USP15: variants seen among roughly 807,000 people sequenced by gnomAD.
USP15 encodes ubiquitin specific peptidase 15, also known as ubiquitin carboxyl-terminal hydrolase 15.
In USP15, 18 loss-of-function variants were observed where a neutral mutation model predicts 127.1. The ratio of observed to expected loss-of-function variants is 0.14; its 90% CI spans 0.10 to 0.21. The LOEUF (loss-of-function observed/expected upper bound fraction) is 0.21, where lower values mean the gene tolerates loss of function less well. USP15 is among the 10% of genes least tolerant of loss of function. The probability of loss-of-function intolerance (pLI) is 1.00; values close to 1 mark genes in which losing one functional copy is unlikely to be tolerated. For missense variants in USP15, 805 were observed against 1,159.9 expected, an observed-to-expected ratio of 0.69 and a Z score of 4.44; for synonymous variants, 364 against 393.7, an observed-to-expected ratio of 0.92 and a Z score of 0.89.
At chr12:62,304,726 C>G (rs553224974) in intron 3 of USP15, 1 of 450,862 alleles carries the variant, frequency 2.2e-6, no homozygotes, top group South Asian at 1.6e-5. Context: ...GCAGAAAATA[C>G]GATGGAATCA....
chr12:62,318,425 A>G (rs2064894535), intron 4 of USP15, among the ~76,000 whole-genome samples: 2 of 152,158 alleles, frequency 1.3e-5, no homozygotes, highest in South Asian at 2.1e-4. Context: ...CAGATAAACT[A>G]CTTTTCTATC....
intron 6 of USP15, among the ~76,000 whole-genome samples, chr12:62,330,509 C>T (rs1389109398): frequency 1.3e-5 from 2 of 151,218 alleles, no homozygotes; most frequent in East Asian, 1.9e-4. Context: ...TTGCTTGAAC[C>T]CAGGAGGCAG....
intron 13 of USP15, 46 bp downstream of exon 13, chr12:62,389,745 A>T (rs1261895211): frequency 6.3e-7 from 1 of 1,598,476 alleles, no homozygotes. Context: ...AAAAAAAATT[A>T]ATAGAAGTAA....
At chr12:62,297,186 G>A (rs1448746982) in intron 2 of USP15, among the ~76,000 whole-genome samples, 1 of 152,120 alleles carries the variant, frequency 6.6e-6, no homozygotes, top group African/African-American at 2.4e-5. Context: ...AATAACTGGG[G>A]GAAGTTAACA....
intron 6 of USP15, 70 bp downstream of exon 6, chr12:62,326,003 C>A: frequency 7.5e-7 from 1 of 1,341,508 alleles, no homozygotes; most frequent in Non-Finnish European, 1.0e-6. Context: ...ATCAAATCCA[C>A]AATGATAGAA....
intron 19 of USP15, among the ~76,000 whole-genome samples, chr12:62,395,199 C>CT (rs2067449685): frequency 6.6e-6 from 1 of 152,070 alleles, no homozygotes; most frequent in Non-Finnish European, 1.5e-5. Flanking sequence ...TTTTTAATCT[C>CT]TGACCCTGCC....
In USP15 at chr12:62,415,431, C is replaced by T. The variant is rs886149123; in HGVS notation, c.*11056C>T. The T allele has an allele frequency of 3.9e-5, 6 of 152,158 alleles. No individual in the cohort carries two copies. Among genetic ancestry groups the T allele is most frequent in the African/African-American group, 1.4e-4 (6 of 41,418 alleles). The allele number at this position is 152,158 out of a possible 1,614,324, so 9.4% of individuals were successfully genotyped here. ...TAGATATGCCCAGAATAATGTTTGACCACATATCTGGGCACCCTGTGGCCC... is the reference window on the plus strand; with the variant it reads ...TAGATATGCCCAGAATAATGTTTGATCACATATCTGGGCACCCTGTGGCCC... On this transcript the variant is annotated 3_prime_UTR_variant, in exon 22 of 22. Coordinates refer to ENST00000280377, the MANE Select transcript of USP15 (RefSeq NM_001252078.2).
intron 2 of USP15, among the ~76,000 whole-genome samples, chr12:62,300,725 A>G (rs997357573): frequency 1.3e-5 from 2 of 152,164 alleles, no homozygotes; most frequent in Non-Finnish European, 2.9e-5. Flanking sequence ...CTGAATTTTG[A>G]TGCATACATG....
At chr12:62,380,962 C>G (rs1268339353) in intron 8 of USP15, among the ~76,000 whole-genome samples, 1 of 152,040 alleles carries the variant, frequency 6.6e-6, no homozygotes, top group Non-Finnish European at 1.5e-5. Context: ...AGTTTGTTCT[C>G]TCAGGCTCAA....
chr12:62,277,042 T>G (rs1165728785), intron 1 of USP15, among the ~76,000 whole-genome samples: 1 of 152,154 alleles, frequency 6.6e-6, no homozygotes. Context: ...TTGACTGTAC[T>G]TCATTCTGTG....
rs1397319126 is a variant in USP15, at chr12:62,411,153, T to G, written c.*6778T>G. Reference sequence around the variant, plus strand: ...AAGGGAAAAGGACCCTAGAGATCCTTGAGGAATCCCACTTTACAGATGTAG... The same window carrying G: ...AAGGGAAAAGGACCCTAGAGATCCTGGAGGAATCCCACTTTACAGATGTAG... On this transcript the variant is annotated 3_prime_UTR_variant, in exon 22 of 22. Transcript: ENST00000280377. 16 of 152,204 alleles carry G rather than the reference T, an allele frequency of 1.1e-4. No individual in the cohort carries two copies. Among genetic ancestry groups the G allele is most frequent in the Admixed American group, 1.0e-3 (16 of 15,274 alleles). 9.4% of individuals were successfully genotyped at this position (152,204 alleles called of 1,614,324 possible). A position where few individuals can be genotyped will look rare whatever the true frequency, so the allele number is the denominator to read the frequency against.
rs968844418 is a variant in USP15 at position 62,407,092 on chromosome 12, A to G, written c.*2717A>G. 2 of 152,176 alleles carry G rather than the reference A, an allele frequency of 1.3e-5. No individual in the cohort carries two copies. The highest frequency in any genetic ancestry group is 2.9e-5 in the Non-Finnish European group (2 of 68,044). The allele number at this position is 152,176 out of a possible 1,614,324, so 9.4% of individuals were successfully genotyped here. On this transcript the variant is annotated 3_prime_UTR_variant, in exon 22 of 22. Coordinates refer to ENST00000280377, the MANE Select transcript of USP15 (RefSeq NM_001252078.2). The stretch of plus-strand genomic sequence containing the variant: ...ACTTAATCTTTGATAGTGTTTCTTT[A>G]CCTGTAGAATAATGATGATAATAGC...
chr12:62,335,297 A>T, intron 6 of USP15: 1 of 1,488,540 alleles, frequency 6.7e-7, no homozygotes, highest in Non-Finnish European at 8.9e-7. Context: ...TTAACTCCAC[A>T]AATGTTAGCT....
chr12:62,405,868 T>G lies in USP15; in HGVS notation c.*1493T>G, dbSNP rs1026613784. 6 of 152,510 alleles carry G rather than the reference T, an allele frequency of 3.9e-5. No individual in the cohort carries two copies. Among genetic ancestry groups the G allele is most frequent in the Non-Finnish European group, 8.8e-5 (6 of 67,976 alleles). 9.4% of individuals were successfully genotyped at this position (152,510 alleles called of 1,614,324 possible). A position where few individuals can be genotyped will look rare whatever the true frequency, so the allele number is the denominator to read the frequency against. On this transcript the variant is annotated 3_prime_UTR_variant, in exon 22 of 22. Transcript: ENST00000280377. Reference sequence around the variant, plus strand: ...TTAGCATTTAAAAGTTTAAAAAAAATGCATTTGACCAGGATAAATGAGGTA... The same window carrying G: ...TTAGCATTTAAAAGTTTAAAAAAAAGGCATTTGACCAGGATAAATGAGGTA...
At position 62,409,819 on chromosome 12, in the gene USP15, T is replaced by C. The variant is rs2067994249; in HGVS notation, c.*5444T>C. The C allele has an allele frequency of 6.6e-6, 1 of 152,102 alleles. No individual in the cohort carries two copies. Among genetic ancestry groups the C allele is most frequent in the Admixed American group, 6.6e-5 (1 of 15,262 alleles). 9.4% of individuals were successfully genotyped at this position (152,102 alleles called of 1,614,324 possible). A position where few individuals can be genotyped will look rare whatever the true frequency, so the allele number is the denominator to read the frequency against. On this transcript the variant is annotated 3_prime_UTR_variant, in exon 22 of 22. Transcript: ENST00000280377. ...GTTTTAAACCTTAAACATCACCACATTTCTAATTTTTATTTAAAATCTTTC... is the reference window on the plus strand; with the variant it reads ...GTTTTAAACCTTAAACATCACCACACTTCTAATTTTTATTTAAAATCTTTC...
chr12:62,260,753 G>C (rs1031966443), intron 1 of USP15, among the ~76,000 whole-genome samples: 1 of 152,156 alleles, frequency 6.6e-6, no homozygotes. Context: ...GTTCTGACTC[G>C]TGCGGTTCTC....
chr12:62,343,746 A>G (rs947327758), intron 6 of USP15, among the ~76,000 whole-genome samples: 2 of 152,034 alleles, frequency 1.3e-5, no homozygotes, highest in Non-Finnish European at 2.9e-5. Flanking sequence ...AACCAGTCCC[A>G]ATGAGATGGA....
intron 5 of USP15, among the ~76,000 whole-genome samples, chr12:62,322,623 T>A (rs1043542524): frequency 6.6e-6 from 1 of 152,182 alleles, no homozygotes; most frequent in African/African-American, 2.4e-5. Flanking sequence ...CTTTCTTCCT[T>A]TGTTTTTTTG....
At chr12:62,305,032 A>G (rs1173231680) in intron 3 of USP15, 2 of 168,172 alleles carry the variant, frequency 1.2e-5, no homozygotes, top group Non-Finnish European at 2.6e-5. Flanking sequence ...TAGAGAGACA[A>G]AAGAATAGAA....
Sources: gnomAD v4.1 joint callset for allele counts (sites outside exome capture counted in the v4.1 genomes callset) on GRCh38, gnomAD v4.1.1 for gene constraint, MANE v1.5 for transcripts, NCBI Gene and HGNC (gene_info 2026-07-23, HGNC 2026-07-21) for gene names.